Variants in PTPRM observed in about 807,000 individuals in gnomAD.
PTPRM encodes protein tyrosine phosphatase receptor type M, also known as receptor-type tyrosine-protein phosphatase mu.
Under a neutral mutation model 186.7 loss-of-function variants are expected in PTPRM, and 47 were observed. The observed-to-expected ratio is 0.25, with a 90% confidence interval of 0.20 to 0.32. PTPRM has a LOEUF of 0.32. PTPRM is among the 10% of genes least tolerant of loss of function. The probability of loss-of-function intolerance (pLI) is 1.00; values close to 1 mark genes in which losing one functional copy is unlikely to be tolerated. For missense variants in PTPRM, 1,494 were observed against 1,865.0 expected (o/e 0.80, Z 3.66); for synonymous variants, 668 against 674.9 (o/e 0.99, Z 0.16).
intron 14 of PTPRM, among the ~76,000 whole-genome samples, chr18:8,222,013 C>A (rs1015822371): frequency 2.0e-5 from 3 of 152,228 alleles, no homozygotes; most frequent in Non-Finnish European, 4.4e-5. Context: ...TTGTCTCCCA[C>A]CACGTAGCTG....
intron 14 of PTPRM, among the ~76,000 whole-genome samples, chr18:8,154,100 C>A (rs2093069648): frequency 6.6e-6 from 1 of 152,176 alleles, no homozygotes; most frequent in African/African-American, 2.4e-5. Flanking sequence ...TCAGTTCAAG[C>A]CCAGAGGTGA....
chr18:7,683,771 G>A (rs2144592280), intron 1 of PTPRM, among the ~76,000 whole-genome samples: 1 of 152,282 alleles, frequency 6.6e-6, no homozygotes, highest in Middle Eastern at 3.4e-3. Flanking sequence ...AGGCTGAAGT[G>A]AGCGGGCTTG....
chr18:7,996,662 A>G (rs540850292), intron 7 of PTPRM, among the ~76,000 whole-genome samples: 2 of 152,244 alleles, frequency 1.3e-5, no homozygotes, highest in African/African-American at 4.8e-5. Context: ...TTAAAAAGCT[A>G]TTAGAACATG....
At chr18:8,229,220 G>A (rs1272508778) in intron 14 of PTPRM, among the ~76,000 whole-genome samples, 1 of 152,146 alleles carries the variant, frequency 6.6e-6, no homozygotes, top group Admixed American at 6.5e-5. Context: ...AACAGGAGAT[G>A]TTAGAACAGA....
intron 2 of PTPRM, among the ~76,000 whole-genome samples, chr18:7,784,745 C>T (rs974077556): frequency 6.6e-6 from 1 of 152,206 alleles, no homozygotes; most frequent in African/African-American, 2.4e-5. Context: ...TTGACATTGA[C>T]ACTGCTTTTT....
chr18:7,590,529 G>A (rs530237239), intron 1 of PTPRM, among the ~76,000 whole-genome samples: 91 of 152,262 alleles, frequency 6.0e-4, no homozygotes, highest in African/African-American at 1.9e-3. Context: ...CCCTGAAGGC[G>A]TATTCATTAA....
intron 2 of PTPRM, among the ~76,000 whole-genome samples, chr18:7,882,744 G>A (rs1599262788): frequency 2.0e-5 from 3 of 152,286 alleles, no homozygotes; most frequent in South Asian, 4.1e-4. Context: ...TGTTTGCAAA[G>A]TTTCTCAAAT....
At chr18:8,205,912 G>A (rs1890017859) in intron 14 of PTPRM, among the ~76,000 whole-genome samples, 2 of 152,230 alleles carry the variant, frequency 1.3e-5, no homozygotes, top group African/African-American at 4.8e-5. Flanking sequence ...CAGCATATTT[G>A]GAGTGCCCGG....
intron 1 of PTPRM, among the ~76,000 whole-genome samples, chr18:7,690,549 G>C (rs117279104): frequency 1.1e-4 from 17 of 152,274 alleles, no homozygotes; most frequent in Non-Finnish European, 1.9e-4. Context: ...TGGCAAATAT[G>C]ATTTGTTAGG....
intron 3 of PTPRM, 86 bp from the exon 4 acceptor site, chr18:7,906,419 C>T (rs775482580): frequency 3.3e-5 from 34 of 1,021,280 alleles, no homozygotes; most frequent in African/African-American, 1.3e-4. Context: ...AAAGAATAAA[C>T]GAAATTATGT....
intron 11 of PTPRM, among the ~76,000 whole-genome samples, chr18:8,091,074 T>A (rs1168342817): frequency 6.6e-6 from 1 of 152,192 alleles, no homozygotes; most frequent in East Asian, 1.9e-4. Context: ...TAGTTGTTTT[T>A]CGGAGACTTT....
intron 32 of PTPRM, among the ~76,000 whole-genome samples, chr18:8,400,290 G>A (rs969335603): frequency 2.0e-5 from 3 of 152,226 alleles, no homozygotes; most frequent in Admixed American, 6.5e-5. Context: ...GATTGGTCAG[G>A]GGCCTGGCTG....
At chr18:8,118,114 A>G (rs558914292) in intron 13 of PTPRM, among the ~76,000 whole-genome samples, 2 of 152,322 alleles carry the variant, frequency 1.3e-5, no homozygotes, top group South Asian at 4.1e-4. Flanking sequence ...TGTTATTAGT[A>G]AGTTAATTTC....
At chr18:8,272,655 A>G (rs1476341069) in intron 19 of PTPRM, among the ~76,000 whole-genome samples, 1 of 152,164 alleles carries the variant, frequency 6.6e-6, no homozygotes, top group East Asian at 1.9e-4. Flanking sequence ...AGTTGATTGC[A>G]TTATATACAA....
intron 14 of PTPRM, among the ~76,000 whole-genome samples, chr18:8,231,160 G>A (rs2094281296): frequency 6.6e-6 from 1 of 152,128 alleles, no homozygotes; most frequent in Admixed American, 6.5e-5. Context: ...GTGCTAATAA[G>A]CATTTCCCCA....
intron 14 of PTPRM, among the ~76,000 whole-genome samples, chr18:8,153,645 A>G (rs1793015394): frequency 6.6e-6 from 1 of 152,222 alleles, no homozygotes; most frequent in South Asian, 2.1e-4. Context: ...AAACTATCAT[A>G]TTCCATAGAA....
At chr18:8,280,754 T>C (rs1404944510) in intron 19 of PTPRM, among the ~76,000 whole-genome samples, 1 of 152,068 alleles carries the variant, frequency 6.6e-6, no homozygotes, top group Non-Finnish European at 1.5e-5. Flanking sequence ...GCCCTTACGT[T>C]CTTGTTCTGG....
chr18:8,216,656 T>C lies in PTPRM; in HGVS notation c.2301-27402T>C, dbSNP rs755700214. ...TTACCCCTTTCAAAAATTTTGTTTT[T>C]TGTTTTTCTTTCAACTGTTGACATA... On this transcript the variant is annotated intron_variant, in intron 14 of 32. Transcript: ENST00000580170. Among the ~76,000 whole-genome samples the C allele has an allele frequency of 2.0e-5, 3 of 152,380 alleles. No individual in the cohort carries two copies. The South Asian group carries it at 6.2e-4, about 32-fold the overall frequency.
chr18:8,165,072 G>A (rs1399634559), intron 14 of PTPRM, among the ~76,000 whole-genome samples: 1 of 151,670 alleles, frequency 6.6e-6, no homozygotes, highest in Non-Finnish European at 1.5e-5. Flanking sequence ...GGGAGGCTGA[G>A]GCAGGAGAAT....
Sources: gnomAD v4.1 joint callset for allele counts (sites outside exome capture counted in the v4.1 genomes callset) on GRCh38, gnomAD v4.1.1 for gene constraint, MANE v1.5 for transcripts, NCBI Gene and HGNC (gene_info 2026-07-23, HGNC 2026-07-21) for gene names.